The following TNFSF11 variants were observed in gnomAD, a reference collection of about 807,000 sequenced individuals.
TNFSF11 encodes TNF superfamily member 11, also known as tumor necrosis factor ligand superfamily member 11.
In TNFSF11, 12 loss-of-function variants were observed where a neutral mutation model predicts 32.2. That is an observed-to-expected ratio of 0.37 (90% CI 0.24 to 0.60). The LOEUF (loss-of-function observed/expected upper bound fraction) is 0.60, where lower values mean the gene tolerates loss of function less well. Ranked by LOEUF, TNFSF11 falls within the 20% of genes least tolerant of loss-of-function variation. TNFSF11 has a pLI of 0.66. For synonymous variants in TNFSF11, 172 were observed against 152.1 expected, an observed-to-expected ratio of 1.13 and a Z score of -0.96; for missense variants, 345 against 398.0, an observed-to-expected ratio of 0.87 and a Z score of 1.13.
Position 42,574,459 on chromosome 13 carries a change from C to CCTGGGG in TNFSF11, c.168_173dup (p.Leu57_Gly58dup). ...CCTCCCGCTCCATGTTCGTGGCCCT[C>CCTGGGG]CTGGGGCTGGGGCTGGGCCAGGTTG... On this transcript the variant is annotated inframe_insertion, in exon 1 of 5. Transcript: ENST00000398795. 3.1e-6 allele frequency: 5 copies of CCTGGGG among 1,608,918 alleles called. No individual in the cohort carries two copies. Among genetic ancestry groups the CCTGGGG allele is most frequent in the Non-Finnish European group, 4.2e-6 (5 of 1,179,714 alleles).
At chr13:42,571,212 A>T (rs778489851), upstream of TNFSF11, among the ~76,000 whole-genome samples, 10 of 152,248 alleles carry the variant, frequency 6.6e-5, no homozygotes, top group Non-Finnish European at 1.3e-4. Flanking sequence ...TGGAGAGGCG[A>T]CATTTGAGCT....
chr13:42,606,039 A>G (rs1165594380), intron 4 of TNFSF11, among the ~76,000 whole-genome samples: 2 of 152,162 alleles, frequency 1.3e-5, no homozygotes. Flanking sequence ...TCAACCTGGA[A>G]TGACCTTTCT....
chr13:42,579,289 T>A (rs1222191919), intron 1 of TNFSF11, among the ~76,000 whole-genome samples: 1 of 151,546 alleles, frequency 6.6e-6, no homozygotes, highest in Admixed American at 6.6e-5. Flanking sequence ...GCACCTGTAG[T>A]CCCAGCTACA....
chr13:42,563,434 G>A (rs895613934), intron 1 of TNFSF11, among the ~76,000 whole-genome samples: 3 of 152,140 alleles, frequency 2.0e-5, no homozygotes, highest in Non-Finnish European at 4.4e-5. Context: ...AGGCCAAGGC[G>A]GGTGGATTAC....
Position 42,606,668 on chromosome 13 carries a change from A to G in TNFSF11, c.704A>G (p.Tyr235Cys), listed in dbSNP as rs1368801585. ...HETSGDLATE[Y>C]LQLMVYVTKT... ...ACTTCAGGAGACCTAGCTACAGAGTATCTTCAACTAATGGTGTACGTCACT... is the reference window on the plus strand; with the variant it reads ...ACTTCAGGAGACCTAGCTACAGAGTGTCTTCAACTAATGGTGTACGTCACT... The change falls in exon 5 of 5, where the codon TAT becomes TGT. Residue 235 changes from tyrosine to cysteine, a missense_variant. Physicochemically the swap from Tyr to Cys is radical, Grantham distance 194 (BLOSUM62 -2). Transcript: ENST00000398795. 1.2e-6 allele frequency: 2 copies of G among 1,614,140 alleles called. No individual in the cohort carries two copies.
rs1869483862 is a variant in TNFSF11, at chr13:42,606,834, C to T, written c.870C>T (p.Ser290=). 1.2e-6 allele frequency: 2 copies of T among 1,613,874 alleles called. No individual in the cohort carries two copies. The highest frequency in any genetic ancestry group is 3.3e-5 in the Admixed American group (2 of 59,964). ...FFKLRSGEEI[S]IEVSNPSLLD... ...AGTTACGGTCTGGAGAGGAAATCAG[C>T]ATCGAGGTCTCCAACCCCTCCTTAC... The change falls in exon 5 of 5, where the codon AGC becomes AGT. Residue 290 remains serine (S), a synonymous_variant. Transcript: ENST00000398795.
chr13:42,567,996 G>A (rs1375941781), intron 2 of TNFSF11, among the ~76,000 whole-genome samples: 2 of 152,204 alleles, frequency 1.3e-5, no homozygotes, highest in Non-Finnish European at 2.9e-5. Context: ...GCTTTGATTG[G>A]ACAAGAGAGT....
At position 42,582,140 on chromosome 13, in the gene TNFSF11, G is replaced by C. The variant is rs79005806; in HGVS notation, c.387+847G>C. 8.5e-3 allele frequency among the ~76,000 whole-genome samples: 1,302 copies of C among 152,322 alleles called. 14 individuals carry two copies. Among genetic ancestry groups the C allele is most frequent in the African/African-American group, 0.029 (1,218 of 41,558 alleles). Reference sequence around the variant, plus strand: ...TCCCTGGGTCTCTGGTCATTCCAGAGTAACTCTTGAAGTTCTCAAAGCCCT... The same window carrying C: ...TCCCTGGGTCTCTGGTCATTCCAGACTAACTCTTGAAGTTCTCAAAGCCCT... On this transcript the variant is annotated intron_variant, in intron 2 of 4. Transcript: ENST00000398795.
rs1389657001 is a variant in TNFSF11, at chr13:42,574,361, G to A, written c.58G>A (p.Gly20Ser). 1.9e-6 allele frequency: 3 copies of A among 1,541,920 alleles called. No homozygotes were observed. Among genetic ancestry groups the A allele is most frequent in the Non-Finnish European group, 2.6e-6 (3 of 1,144,980 alleles). ...CCTGCGTGGCTCGGAGGAGATGGGC[G>A]GCGGCCCCGGAGCCCCGCACGAGGG... ...KYLRGSEEMGGGPGAPHEGPL... is the reference protein window; with the variant it reads ...KYLRGSEEMGSGPGAPHEGPL... Residue 20 changes from glycine to serine, a missense_variant, in exon 1 of 5, where the codon GGC becomes AGC. Transcript: ENST00000398795.
intron 2 of TNFSF11, among the ~76,000 whole-genome samples, chr13:42,588,074 T>C (rs1204196376): frequency 6.6e-6 from 1 of 152,242 alleles, no homozygotes; most frequent in East Asian, 1.9e-4. Context: ...CAAGTCACGA[T>C]GTTAGTCATG....
intron 2 of TNFSF11, among the ~76,000 whole-genome samples, chr13:42,600,480 T>G (rs903535950): frequency 3.3e-5 from 5 of 152,224 alleles, no homozygotes; most frequent in African/African-American, 4.8e-5. Context: ...TACGCCATGG[T>G]TTATAATCTA....
chr13:42,565,783 C>A (rs559846823), intron 1 of TNFSF11, among the ~76,000 whole-genome samples: 1 of 151,888 alleles, frequency 6.6e-6, no homozygotes, highest in Non-Finnish European at 1.5e-5. Context: ...TCCAGTTGTT[C>A]GTGATAAATG....
intron 2 of TNFSF11, among the ~76,000 whole-genome samples, chr13:42,585,041 C>A (rs118181908): frequency 6.6e-6 from 1 of 152,176 alleles, no homozygotes; most frequent in Non-Finnish European, 1.5e-5. Context: ...GTGCTAGGCA[C>A]CTTGCCATGT....
At chr13:42,598,252 C>T (rs1161061681) in intron 2 of TNFSF11, among the ~76,000 whole-genome samples, 1 of 152,178 alleles carries the variant, frequency 6.6e-6, no homozygotes, top group East Asian at 1.9e-4. Context: ...CCCATCTCTC[C>T]TCTGATGGAA....
chr13:42,578,809 T>C (rs1873447379), intron 1 of TNFSF11, among the ~76,000 whole-genome samples: 1 of 152,214 alleles, frequency 6.6e-6, no homozygotes, highest in East Asian at 1.9e-4. Flanking sequence ...ATTGTACTTA[T>C]TTGCATCAAA....
Position 42,596,673 on chromosome 13 carries a change from A to C in TNFSF11, c.388-4079A>C, listed in dbSNP as rs375817438. 1.2e-4 allele frequency among the ~76,000 whole-genome samples: 18 copies of C among 152,334 alleles called. No individual in the cohort carries two copies. In the East Asian group the frequency reaches 1.9e-3, roughly 16 times the overall value. On this transcript the variant is annotated intron_variant, in intron 2 of 4. Transcript: ENST00000398795. ...AAAAGTCAAATATGGTAACAGGGAA[A>C]ATACTTTGCTGTCTACAAATGTAAG...
chr13:42,606,440 A>C (rs3742258), intron 4 of TNFSF11, 57 bp from the exon 5 acceptor site: 24,693 of 1,599,994 alleles, frequency 0.015, 326 homozygotes, highest in East Asian at 0.056. Flanking sequence ...AGAATTGTGA[A>C]GACGTCCTTC....
upstream of TNFSF11, among the ~76,000 whole-genome samples, chr13:42,572,966 G>A (rs1473326807): frequency 6.6e-6 from 1 of 152,138 alleles, no homozygotes; most frequent in Non-Finnish European, 1.5e-5. Context: ...AAAATCCATG[G>A]ATGTTCAAGT....
chr13:42,588,317 G>A (rs1271286209), intron 2 of TNFSF11, among the ~76,000 whole-genome samples: 2 of 152,204 alleles, frequency 1.3e-5, no homozygotes, highest in African/African-American at 4.8e-5. Context: ...GGAAGCAGGA[G>A]GGTTTGCAAG....
Sources: allele counts gnomAD v4.1 joint callset (sites outside exome capture counted in the v4.1 genomes callset), GRCh38; gene constraint gnomAD v4.1.1; transcripts MANE v1.5; gene names NCBI Gene and HGNC (gene_info 2026-07-23, HGNC 2026-07-21).